Variants in TMEM232 observed in about 807,000 individuals in gnomAD.
TMEM232 encodes transmembrane protein 232.
In TMEM232, 80 loss-of-function variants were observed where a neutral mutation model predicts 78.8. That is an observed-to-expected ratio of 1.01 (90% CI 0.85 to 1.22). The LOEUF (loss-of-function observed/expected upper bound fraction) is 1.22. TMEM232 is among the 50% of genes most tolerant of loss of function. The pLI is 0.00. For missense variants in TMEM232, 881 were observed against 742.2 expected (o/e 1.19, Z -2.17); for synonymous variants, 297 against 254.3 (o/e 1.17, Z -1.60).
intron 12 of TMEM232, among the ~76,000 whole-genome samples, chr5:110,487,707 G>A (rs992722429): frequency 7.2e-5 from 11 of 151,870 alleles, no homozygotes; most frequent in Admixed American, 5.3e-4. Flanking sequence ...GGATTCAGTT[G>A]GCTAGTATTT....
intron 12 of TMEM232, among the ~76,000 whole-genome samples, chr5:110,485,781 T>C (rs547807356): frequency 2.6e-5 from 4 of 152,144 alleles, no homozygotes; most frequent in Non-Finnish European, 5.9e-5. Context: ...TAAATATGCG[T>C]GTGCAAGTAT....
intron 10 of TMEM232, among the ~76,000 whole-genome samples, chr5:110,569,293 AGAGAAAG>A (rs1469974786): frequency 6.6e-6 from 1 of 151,928 alleles, no homozygotes; most frequent in Non-Finnish European, 1.5e-5. Flanking sequence ...TATTTTCCTT[AGAGAAAG>A]GAGAAAGACA....
chr5:110,512,752 A>G (rs1489795337), intron 12 of TMEM232, among the ~76,000 whole-genome samples: 1 of 152,178 alleles, frequency 6.6e-6, no homozygotes. Context: ...AGAGCACACA[A>G]AAAACAAAAC....
intron 10 of TMEM232, among the ~76,000 whole-genome samples, chr5:110,586,395 G>T (rs186809826): frequency 6.6e-6 from 1 of 152,096 alleles, no homozygotes; most frequent in Admixed American, 6.6e-5. Context: ...TATTTTAAAA[G>T]TTTTAATTTA....
intron 5 of TMEM232, among the ~76,000 whole-genome samples, 174 bp from the exon 6 acceptor site, chr5:110,628,054 T>C (rs935947797): frequency 2.0e-5 from 3 of 152,120 alleles, no homozygotes; most frequent in African/African-American, 7.2e-5. Context: ...AAGATTGAAA[T>C]GCTAGTTCAG....
At chr5:110,490,193 A>AAAG (rs879457428) in intron 12 of TMEM232, among the ~76,000 whole-genome samples, 2 of 136,790 alleles carry the variant, frequency 1.5e-5, no homozygotes, top group Non-Finnish European at 3.3e-5. Flanking sequence ...AAGAAAGAAA[A>AAAG]AGTTAATTGT....
At chr5:110,517,125 C>T (rs1422589309) in intron 12 of TMEM232, among the ~76,000 whole-genome samples, 2 of 152,074 alleles carry the variant, frequency 1.3e-5, no homozygotes, top group African/African-American at 2.4e-5. Flanking sequence ...AATGAGGAAT[C>T]GGTGATGTGG....
chr5:110,583,656 G>T (rs1245486177), intron 10 of TMEM232, among the ~76,000 whole-genome samples: 1 of 151,764 alleles, frequency 6.6e-6, no homozygotes. Flanking sequence ...AAATAAAAAA[G>T]CTTCTGTACA....
chr5:110,646,155 C>T (rs1253469870), intron 2 of TMEM232, among the ~76,000 whole-genome samples: 4 of 151,574 alleles, frequency 2.6e-5, no homozygotes, highest in Non-Finnish European at 5.9e-5. Flanking sequence ...TTAAAATGTC[C>T]ATATTACCCA....
Position 110,618,547 on chromosome 5 carries a change from T to TA in TMEM232, c.783dup (p.Asn262Ter), listed in dbSNP as rs1561396124. ...GCAACACAGTGCCAGAGCAGGTGGTTAATTTCATATCCTCCCTGATTAAAT... is the reference window on the plus strand; with the variant it reads ...GCAACACAGTGCCAGAGCAGGTGGTTAAATTTCATATCCTCCCTGATTAAAT... On this transcript the variant is annotated frameshift_variant, in exon 8 of 14. Transcript: ENST00000455884. LOFTEE classifies it high-confidence loss of function. 2 of 1,548,284 alleles carry TA rather than the reference T, an allele frequency of 1.3e-6. No individual in the cohort carries two copies. The highest frequency in any genetic ancestry group is 1.7e-6 in the Non-Finnish European group (2 of 1,146,058).
chr5:110,667,263 A>C lies in TMEM232; in HGVS notation c.90T>G (p.Phe30Leu). ...PYHEELWKLN[F>L]QHLSGERGHK... ...GACCCCTTTCTCCACTTAAATGTTG[A>C]AAATTTAATTTCCAGAGCTCTTCAT... The change falls in exon 2 of 14, where the codon TTT becomes TTG. Residue 30 changes from phenylalanine to leucine, a missense_variant. By Grantham distance (22) the Phe-to-Leu change is conservative (BLOSUM62 0). Transcript: ENST00000455884. 6 of 1,547,222 alleles carry C rather than the reference A, an allele frequency of 3.9e-6. No homozygotes were observed. Among genetic ancestry groups the C allele is most frequent in the Non-Finnish European group, 3.5e-6 (4 of 1,144,364 alleles).
At chr5:110,722,644 C>A (rs985895319) in intron 1 of TMEM232, among the ~76,000 whole-genome samples, 2 of 152,128 alleles carry the variant, frequency 1.3e-5, no homozygotes, top group Non-Finnish European at 2.9e-5. Flanking sequence ...CCTAGCCTTG[C>A]AAAGCCTGTA....
At chr5:110,644,831 A>G (rs1787253875) in intron 2 of TMEM232, among the ~76,000 whole-genome samples, 1 of 151,564 alleles carries the variant, frequency 6.6e-6, no homozygotes, top group Non-Finnish European at 1.5e-5. Context: ...GAAAAAATAA[A>G]CAAAATTGAA....
chr5:110,458,853 A>T (rs1414881452), intron 12 of TMEM232, among the ~76,000 whole-genome samples: 7 of 152,226 alleles, frequency 4.6e-5, no homozygotes, highest in Non-Finnish European at 7.3e-5. Context: ...GCCGTTGCAT[A>T]TAAAATACTC....
At chr5:110,427,775 C>T (rs571874840) in intron 12 of TMEM232, among the ~76,000 whole-genome samples, 1 of 151,966 alleles carries the variant, frequency 6.6e-6, no homozygotes, top group Non-Finnish European at 1.5e-5. Flanking sequence ...TCTGTCTCCA[C>T]GTGGCTTTTT....
At chr5:110,579,040 C>T (rs954004512) in intron 10 of TMEM232, among the ~76,000 whole-genome samples, 2 of 151,694 alleles carry the variant, frequency 1.3e-5, no homozygotes, top group Non-Finnish European at 2.9e-5. Flanking sequence ...AAGAAATTCA[C>T]ACTGAGACAC....
chr5:110,444,691 T>C (rs1175463665), intron 12 of TMEM232, among the ~76,000 whole-genome samples: 1 of 152,216 alleles, frequency 6.6e-6, no homozygotes, highest in African/African-American at 2.4e-5. Context: ...TAGCATTGGA[T>C]AACTAATACA....
intron 7 of TMEM232, among the ~76,000 whole-genome samples, chr5:110,619,392 A>T (rs1173666343): frequency 6.6e-6 from 1 of 152,190 alleles, no homozygotes; most frequent in Non-Finnish European, 1.5e-5. Flanking sequence ...TTTTAAGCTA[A>T]GATATTTTAA....
At chr5:110,503,240 C>T (rs2149447022) in intron 12 of TMEM232, among the ~76,000 whole-genome samples, 1 of 152,136 alleles carries the variant, frequency 6.6e-6, no homozygotes, top group Admixed American at 6.5e-5. Context: ...TGAAAAGTGA[C>T]CTGATTTTAG....
Sources: allele counts gnomAD v4.1 joint callset (sites outside exome capture counted in the v4.1 genomes callset), GRCh38; gene constraint gnomAD v4.1.1; transcripts MANE v1.5; gene names NCBI Gene and HGNC (gene_info 2026-07-23, HGNC 2026-07-21).